Variants in NEK11 observed in about 807,000 individuals in gnomAD.
NEK11 encodes the protein serine/threonine-protein kinase Nek11.
In NEK11, 72 loss-of-function variants were observed where a neutral mutation model predicts 80.7. The ratio of observed to expected loss-of-function variants is 0.89; its 90% confidence interval spans 0.74 to 1.08. NEK11 has a LOEUF of 1.08. Among genes scored for constraint, NEK11 ranks in the 50% least tolerant of loss-of-function variants. The pLI is 0.00. For missense variants in NEK11, 764 were observed against 763.6 expected, an observed-to-expected ratio of 1.00 and a Z score of -0.01; for synonymous variants, 251 against 260.7, an observed-to-expected ratio of 0.96 and a Z score of 0.36.
intron 14 of NEK11, among the ~76,000 whole-genome samples, chr3:131,210,421 A>T (rs1412377650): frequency 6.6e-6 from 1 of 152,144 alleles, no homozygotes; most frequent in Non-Finnish European, 1.5e-5. Flanking sequence ...AGTAAGTGCA[A>T]CGTGGTGCTG....
intron 1 of NEK11, 175 bp from the exon 2 acceptor site, chr3:131,027,755 G>C (rs1440215470): frequency 2.0e-5 from 3 of 151,622 alleles, no homozygotes; most frequent in African/African-American, 7.3e-5. Context: ...GACTGGGATG[G>C]GGGTGGCAGG....
At chr3:131,256,097 T>C (rs2095810834) in intron 16 of NEK11, among the ~76,000 whole-genome samples, 1 of 152,170 alleles carries the variant, frequency 6.6e-6, no homozygotes, top group Non-Finnish European at 1.5e-5. Flanking sequence ...TCAATGAGTA[T>C]AAAGTTAAAA....
chr3:131,227,252 C>G (rs1197448966), intron 14 of NEK11, among the ~76,000 whole-genome samples: 2 of 152,132 alleles, frequency 1.3e-5, no homozygotes, highest in Admixed American at 1.3e-4. Flanking sequence ...TTAACATCTT[C>G]TATTTCCAGG....
chr3:131,119,325 G>T (rs1259912506), intron 5 of NEK11, among the ~76,000 whole-genome samples: 3 of 152,184 alleles, frequency 2.0e-5, no homozygotes, highest in African/African-American at 7.2e-5. Context: ...TTGCACGGTG[G>T]TCTGAGAGAC....
rs558396703 is a variant in NEK11, at chr3:131,099,591, A to G, written c.337-10212A>G. Among the ~76,000 whole-genome samples the G allele has an allele frequency of 5.3e-5, 8 of 152,334 alleles. No individual in the cohort carries two copies. The South Asian group carries it at 1.7e-3, about 32-fold the overall frequency. ...TATTTTAACAGTATTGATTCTTCCAATCCATAAGTATGGAATGTTTTTTCC... is the reference window on the plus strand; with the variant it reads ...TATTTTAACAGTATTGATTCTTCCAGTCCATAAGTATGGAATGTTTTTTCC... On this transcript the variant is annotated intron_variant, in intron 4 of 17. Coordinates refer to ENST00000383366, the MANE Select transcript of NEK11 (RefSeq NM_024800.5).
At chr3:131,245,502 T>G (rs541708707) in intron 16 of NEK11, among the ~76,000 whole-genome samples, 4 of 152,274 alleles carry the variant, frequency 2.6e-5, no homozygotes, top group Non-Finnish European at 2.9e-5. Context: ...ATGGTAGTTC[T>G]TTGAGCAATC....
intron 15 of NEK11, among the ~76,000 whole-genome samples, chr3:131,238,315 C>G (rs890214840): frequency 1.3e-5 from 2 of 152,122 alleles, no homozygotes; most frequent in African/African-American, 4.8e-5. Context: ...GGCCTGTCTC[C>G]CTCTGCTAGA....
At chr3:131,173,173 G>A (rs572178115) in intron 14 of NEK11, among the ~76,000 whole-genome samples, 1 of 152,260 alleles carries the variant, frequency 6.6e-6, no homozygotes, top group South Asian at 2.1e-4. Context: ...TGCTCATGGA[G>A]TAATCACTCT....
chr3:131,119,090 T>G (rs1213169089), intron 5 of NEK11, among the ~76,000 whole-genome samples: 1 of 152,222 alleles, frequency 6.6e-6, no homozygotes, highest in Non-Finnish European at 1.5e-5. Context: ...CTTTCCTGCT[T>G]TCTCTCATGG....
At chr3:131,172,842 G>A (rs1437995874) in intron 14 of NEK11, among the ~76,000 whole-genome samples, 9 of 152,188 alleles carry the variant, frequency 5.9e-5, no homozygotes, top group Non-Finnish European at 5.9e-5. Context: ...TGATAAAACA[G>A]GTTGTAGTAA....
chr3:131,288,927 T>C (rs1305980641), intron 17 of NEK11, among the ~76,000 whole-genome samples: 2 of 152,182 alleles, frequency 1.3e-5, no homozygotes, highest in Admixed American at 1.3e-4. Flanking sequence ...AATAAATAAA[T>C]TGCAGAACTA....
intron 17 of NEK11, among the ~76,000 whole-genome samples, chr3:131,298,774 G>A (rs1354904476): frequency 6.6e-6 from 1 of 151,946 alleles, no homozygotes; most frequent in East Asian, 1.9e-4. Context: ...AAGCTTCCTG[G>A]ATCTATGGGT....
chr3:131,313,015 C>A (rs2096797037), intron 17 of NEK11, among the ~76,000 whole-genome samples: 1 of 151,998 alleles, frequency 6.6e-6, no homozygotes, highest in Non-Finnish European at 1.5e-5. Flanking sequence ...TCTGTTGTTC[C>A]CCTCTTTGGG....
intron 17 of NEK11, among the ~76,000 whole-genome samples, chr3:131,337,107 A>G (rs1471397752): frequency 6.6e-6 from 1 of 152,208 alleles, no homozygotes; most frequent in East Asian, 1.9e-4. Flanking sequence ...CAGCCATCCC[A>G]TTACTGGGTA....
intron 15 of NEK11, among the ~76,000 whole-genome samples, chr3:131,240,044 T>C (rs2095497443): frequency 6.6e-6 from 1 of 152,190 alleles, no homozygotes; most frequent in African/African-American, 2.4e-5. Context: ...TTGGTCAATA[T>C]TTTTCTTAAC....
intron 17 of NEK11, among the ~76,000 whole-genome samples, chr3:131,304,583 G>A (rs866486050): frequency 3.3e-5 from 5 of 151,984 alleles, no homozygotes; most frequent in South Asian, 2.1e-4. Context: ...TGCTTTTATC[G>A]TCTTTGATGC....
rs575247799 is a variant in NEK11, at chr3:131,044,455, G to T, written c.170+14577G>T. ...AAAAAAAAAAAAAAGGTGGGGGGGGGGGTTGGAATCCTAGTCTCTAGTCTC... is the reference window on the plus strand; with the variant it reads ...AAAAAAAAAAAAAAGGTGGGGGGGGTGGTTGGAATCCTAGTCTCTAGTCTC... On this transcript the variant is annotated intron_variant, in intron 3 of 17. Transcript: ENST00000383366. Among the ~76,000 whole-genome samples the T allele has an allele frequency of 8.6e-3, 1,280 of 148,396 alleles. 33 individuals carry two copies. The highest frequency in any genetic ancestry group is 0.029 in the African/African-American group (1,166 of 39,720).
chr3:131,096,857 G>A (rs984848034), intron 4 of NEK11, among the ~76,000 whole-genome samples: 1 of 149,878 alleles, frequency 6.7e-6, no homozygotes, highest in African/African-American at 2.5e-5. Flanking sequence ...TTAGCATTAG[G>A]TATATCTCCT....
intron 7 of NEK11, among the ~76,000 whole-genome samples, chr3:131,150,523 A>AGT (rs1392154468): frequency 1.3e-5 from 2 of 151,914 alleles, no homozygotes; most frequent in African/African-American, 4.8e-5. Context: ...TCTTAATCTT[A>AGT]GTAGTGTTTC....
Sources: allele counts gnomAD v4.1 joint callset (sites outside exome capture counted in the v4.1 genomes callset), GRCh38; gene constraint gnomAD v4.1.1; transcripts MANE v1.5; gene names NCBI Gene and HGNC (gene_info 2026-07-23, HGNC 2026-07-21).